Variants in FAM227B observed in about 807,000 individuals in gnomAD.
FAM227B encodes the protein protein FAM227B.
Under a neutral mutation model 73.8 loss-of-function variants are expected in FAM227B, and 88 were observed. That is an observed-to-expected ratio of 1.19 (90% confidence interval 1.00 to 1.42). The LOEUF (loss-of-function observed/expected upper bound fraction) is 1.42. Ranked by LOEUF, FAM227B falls within the 40% of genes most tolerant of loss-of-function variation. The probability of loss-of-function intolerance (pLI) is 0.00; values close to 1 mark genes in which losing one functional copy is unlikely to be tolerated. For missense variants in FAM227B, 632 were observed against 590.9 expected (o/e 1.07, Z -0.72); for synonymous variants, 210 against 190.5 (o/e 1.10, Z -0.84).
intron 11 of FAM227B, among the ~76,000 whole-genome samples, chr15:49,372,791 T>C (rs942407040): frequency 1.3e-5 from 2 of 152,164 alleles, no homozygotes; most frequent in Non-Finnish European, 2.9e-5. Context: ...TAATCAGATC[T>C]AGTGATTGTA....
chr15:49,551,206 G>A (rs973841167), intron 9 of FAM227B, among the ~76,000 whole-genome samples: 1 of 152,206 alleles, frequency 6.6e-6, no homozygotes, highest in Non-Finnish European at 1.5e-5. Flanking sequence ...CAGGCAGGGA[G>A]GTTGCAGTGG....
chr15:49,610,195 T>C (rs569446967), intron 3 of FAM227B, among the ~76,000 whole-genome samples: 1 of 152,066 alleles, frequency 6.6e-6, no homozygotes, highest in South Asian at 2.1e-4. Context: ...CTCCATTATT[T>C]GCTGAATTTA....
chr15:49,330,995 T>TTATTATACTGTCCTGTTTGTA (rs1202971014), intron 15 of FAM227B: 2 of 152,250 alleles, frequency 1.3e-5, no homozygotes, highest in Admixed American at 1.3e-4. Context: ...TCCTGTTTGC[T>TTATTATACTGTCCTGTTTGTA]TATTATACTG....
chr15:49,378,135 T>A (rs763886940), intron 11 of FAM227B, among the ~76,000 whole-genome samples: 2 of 152,148 alleles, frequency 1.3e-5, no homozygotes, highest in Non-Finnish European at 2.9e-5. Flanking sequence ...CTAATGTATG[T>A]TCTTGGCACT....
intron 13 of FAM227B, among the ~76,000 whole-genome samples, chr15:49,344,613 T>G (rs2041205908): frequency 6.6e-6 from 1 of 152,214 alleles, no homozygotes; most frequent in Non-Finnish European, 1.5e-5. Flanking sequence ...GCCCTGGTCT[T>G]GCTTAGCTTG....
chr15:49,414,064 A>C (rs2151699586), intron 11 of FAM227B, among the ~76,000 whole-genome samples: 1 of 152,032 alleles, frequency 6.6e-6, no homozygotes, highest in Middle Eastern at 3.4e-3. Flanking sequence ...CTCCTCCAAT[A>C]ATTTAAGCTC....
At chr15:49,424,544 G>A (rs1171909235) in intron 11 of FAM227B, 1 of 1,604,850 alleles carries the variant, frequency 6.2e-7, no homozygotes, top group Admixed American at 1.7e-5. Context: ...CGATAAAAGA[G>A]GCAAAGTAAA....
rs1473056482 is a variant in FAM227B, at chr15:49,488,386, G to A, written c.1012+19825C>T. ...TCCCACCTATCCTTTAATTTTGAAT[G>A]GTTTGTCAGGAAAATTTACTTTCTC... On this transcript the variant is annotated intron_variant, in intron 11 of 15. Coordinates refer to ENST00000299338, the MANE Select transcript of FAM227B (RefSeq NM_152647.3). 3 of 151,886 alleles carry A rather than the reference G, an allele frequency of 2.0e-5. No homozygotes were observed. The East Asian group carries it at 5.8e-4, about 29-fold the overall frequency. The allele number at this position is 151,886 out of a possible 1,614,324, so 9.4% of individuals were successfully genotyped here.
At chr15:49,429,721 GA>G (rs1408691909) in intron 11 of FAM227B, among the ~76,000 whole-genome samples, 2 of 151,874 alleles carry the variant, frequency 1.3e-5, no homozygotes, top group Non-Finnish European at 2.9e-5. Context: ...AAATTGATCT[GA>G]GGTACAGTCT....
At chr15:49,565,531 C>A (rs73404155) in intron 9 of FAM227B, among the ~76,000 whole-genome samples, 1 of 151,996 alleles carries the variant, frequency 6.6e-6, no homozygotes, top group South Asian at 2.1e-4. Context: ...CAAATTGATA[C>A]AACTATTTGC....
At chr15:49,530,166 C>A (rs970576321) in intron 10 of FAM227B, among the ~76,000 whole-genome samples, 3 of 151,634 alleles carry the variant, frequency 2.0e-5, no homozygotes, top group African/African-American at 4.8e-5. Flanking sequence ...ATTCCTATTA[C>A]GTATTTAGAA....
intron 1 of FAM227B, among the ~76,000 whole-genome samples, chr15:49,617,776 TTGTGTGTGTG>T (rs67917912): frequency 7.4e-5 from 11 of 148,114 alleles, no homozygotes; most frequent in Non-Finnish European, 1.0e-4. Context: ...CTTTCATGTT[TTGTGTGTGTG>T]TGTGTGTGTG....
rs144086503 is a variant in FAM227B, at chr15:49,590,397, G to C, written c.106-390C>G. On this transcript the variant is annotated intron_variant, in intron 3 of 15. Coordinates refer to ENST00000299338, the MANE Select transcript of FAM227B (RefSeq NM_152647.3). The stretch of plus-strand genomic sequence containing the variant: ...ACCAATTATGCCCTTTATAGCAAAA[G>C]AATCTAGTTCAGAATAAAAATGTTA... Among the ~76,000 whole-genome samples, 298 of 152,244 alleles carry C rather than the reference G, an allele frequency of 2.0e-3. 2 individuals are homozygous for C. Among genetic ancestry groups the C allele is most frequent in the African/African-American group, 6.9e-3 (286 of 41,540 alleles).
chr15:49,546,334 A>T (rs1034386861), intron 9 of FAM227B, among the ~76,000 whole-genome samples: 9 of 152,188 alleles, frequency 5.9e-5, no homozygotes, highest in Non-Finnish European at 1.0e-4. Flanking sequence ...TATATGTGCC[A>T]CATTTTCTTA....
chr15:49,343,355 G>A (rs1395602935), intron 13 of FAM227B, among the ~76,000 whole-genome samples: 1 of 152,004 alleles, frequency 6.6e-6, no homozygotes, highest in Non-Finnish European at 1.5e-5. Flanking sequence ...TTTCAGTTGA[G>A]TTTTTGAATT....
intron 11 of FAM227B, among the ~76,000 whole-genome samples, chr15:49,467,846 A>G (rs1190930327): frequency 1.3e-5 from 2 of 152,180 alleles, no homozygotes; most frequent in Non-Finnish European, 1.5e-5. Flanking sequence ...CTGAGAGGCC[A>G]TAAATGATAA....
intron 9 of FAM227B, among the ~76,000 whole-genome samples, chr15:49,552,061 T>G (rs950544551): frequency 6.6e-6 from 1 of 152,200 alleles, no homozygotes; most frequent in Non-Finnish European, 1.5e-5. Flanking sequence ...GTTTTTTCTG[T>G]GTACTTACTA....
At chr15:49,519,927 C>T (rs1426941513) in intron 10 of FAM227B, among the ~76,000 whole-genome samples, 4 of 152,276 alleles carry the variant, frequency 2.6e-5, no homozygotes, top group Admixed American at 6.5e-5. Context: ...GCTTGGCTTC[C>T]CTTTTAAACA....
intron 5 of FAM227B, 45 bp downstream of exon 5, chr15:49,587,971 G>A (rs2076272517): frequency 1.5e-6 from 2 of 1,375,246 alleles, no homozygotes; most frequent in Non-Finnish European, 9.6e-7. Flanking sequence ...TATATTTTCT[G>A]TGAAAATCCA....
Sources: allele counts gnomAD v4.1 joint callset (sites outside exome capture counted in the v4.1 genomes callset), GRCh38; gene constraint gnomAD v4.1.1; transcripts MANE v1.5; gene names NCBI Gene and HGNC (gene_info 2026-07-23, HGNC 2026-07-21).